KCNQ5: variants seen among roughly 807,000 people sequenced by gnomAD.
KCNQ5 encodes potassium voltage-gated channel subfamily Q member 5.
Under a neutral mutation model 98.2 loss-of-function variants are expected in KCNQ5, and 30 were observed. That is an observed-to-expected ratio of 0.31 (90% confidence interval 0.23 to 0.41). The LOEUF is 0.41. Ranked by LOEUF, KCNQ5 falls within the 10% of genes least tolerant of loss-of-function variation. KCNQ5 has a pLI of 1.00. For synonymous variants in KCNQ5, 458 were observed against 449.4 expected (o/e 1.02, Z -0.24); for missense variants, 835 against 1,182.5 (o/e 0.71, Z 4.31).
intron 1 of KCNQ5, among the ~76,000 whole-genome samples, chr6:72,635,667 C>T (rs1290510756): frequency 1.5e-5 from 2 of 136,338 alleles, no homozygotes; most frequent in Non-Finnish European, 3.1e-5. Context: ...TAAATTGCTC[C>T]TAGTTTTTTT....
intron 10 of KCNQ5, among the ~76,000 whole-genome samples, chr6:73,159,876 G>A (rs545288427): frequency 2.0e-5 from 3 of 152,282 alleles, no homozygotes; most frequent in African/African-American, 7.2e-5. Context: ...GTAGCACCAT[G>A]TTCTGTCTTC....
intron 1 of KCNQ5, among the ~76,000 whole-genome samples, chr6:72,705,321 TC>T (rs1175906524): frequency 3.9e-5 from 6 of 152,190 alleles, no homozygotes; most frequent in African/African-American, 1.4e-4. Flanking sequence ...CTAGAATATG[TC>T]TTTGTATTGA....
intron 1 of KCNQ5, among the ~76,000 whole-genome samples, chr6:72,723,259 ACTTACT>A (rs901371560): frequency 6.6e-6 from 1 of 152,228 alleles, no homozygotes; most frequent in Non-Finnish European, 1.5e-5. Flanking sequence ...TAATAATGGT[ACTTACT>A]CTTAATTATT....
At chr6:72,890,334 G>T (rs1346944987) in intron 1 of KCNQ5, among the ~76,000 whole-genome samples, 1 of 152,066 alleles carries the variant, frequency 6.6e-6, no homozygotes, top group Non-Finnish European at 1.5e-5. Context: ...ATACTTTAAA[G>T]GGTACGATGC....
At chr6:72,941,645 C>A (rs1582057560) in intron 1 of KCNQ5, among the ~76,000 whole-genome samples, 1 of 129,314 alleles carries the variant, frequency 7.7e-6, no homozygotes, top group East Asian at 2.4e-4. Flanking sequence ...CTCCCTTCCC[C>A]ACCCGCACCT....
intron 1 of KCNQ5, among the ~76,000 whole-genome samples, chr6:72,958,923 T>C (rs1182266380): frequency 6.6e-6 from 1 of 152,132 alleles, no homozygotes; most frequent in Admixed American, 6.5e-5. Context: ...ATGCAAAACT[T>C]TATGGAAGCC....
At chr6:73,015,357 ATAGT>A in intron 2 of KCNQ5, among the ~76,000 whole-genome samples, 1 of 152,292 alleles carries the variant, frequency 6.6e-6, no homozygotes, top group South Asian at 2.1e-4. Context: ...AAAAGCAGGA[ATAGT>A]TAAACACCTA....
intron 2 of KCNQ5, among the ~76,000 whole-genome samples, chr6:73,028,736 T>C (rs1771002339): frequency 6.6e-6 from 1 of 152,228 alleles, no homozygotes; most frequent in African/African-American, 2.4e-5. Flanking sequence ...TCCTGTAAAT[T>C]CAATATATGG....
At chr6:73,115,934 A>G (rs1451941872) in intron 7 of KCNQ5, among the ~76,000 whole-genome samples, 1 of 152,220 alleles carries the variant, frequency 6.6e-6, no homozygotes. Flanking sequence ...CAGAATGAGA[A>G]GGAGGCTGAG....
At chr6:73,124,152 A>G (rs1054062302) in intron 8 of KCNQ5, among the ~76,000 whole-genome samples, 1 of 152,222 alleles carries the variant, frequency 6.6e-6, no homozygotes, top group Non-Finnish European at 1.5e-5. Flanking sequence ...AACTAGCAAC[A>G]TTCTAAGAGC....
intron 10 of KCNQ5, among the ~76,000 whole-genome samples, chr6:73,160,034 GA>G (rs900826224): frequency 1.3e-3 from 193 of 151,450 alleles, no homozygotes; most frequent in African/African-American, 4.3e-3. Flanking sequence ...TGTTTTTTGA[GA>G]CAGAGTCTCG....
At chr6:72,632,421 G>A (rs1255949382) in intron 1 of KCNQ5, among the ~76,000 whole-genome samples, 3 of 151,946 alleles carry the variant, frequency 2.0e-5, no homozygotes, top group Non-Finnish European at 4.4e-5. Context: ...GATTACAGGC[G>A]TGAGCCACCG....
intron 1 of KCNQ5, among the ~76,000 whole-genome samples, chr6:72,793,764 G>A (rs4235870): frequency 0.6 from 90,612 of 152,182 alleles, 26,994 homozygotes; most frequent in Admixed American, 0.63. Context: ...AGCAGGAAAC[G>A]GAGATGGGAG....
At chr6:73,183,384 A>G (rs920071763) in intron 11 of KCNQ5, among the ~76,000 whole-genome samples, 1 of 152,218 alleles carries the variant, frequency 6.6e-6, no homozygotes, top group Non-Finnish European at 1.5e-5. Context: ...ATGCAGGTAA[A>G]GTACTTAGCA....
intron 1 of KCNQ5, among the ~76,000 whole-genome samples, chr6:72,643,325 T>C (rs753202303): frequency 5.9e-5 from 9 of 152,140 alleles, no homozygotes; most frequent in East Asian, 1.9e-4. Context: ...GCATTTTCCA[T>C]TGATCCTCAG....
intron 1 of KCNQ5, among the ~76,000 whole-genome samples, chr6:72,772,415 A>G (rs1259757312): frequency 1.3e-5 from 2 of 152,192 alleles, no homozygotes; most frequent in Non-Finnish European, 2.9e-5. Context: ...ATATTTATAT[A>G]TAACTCATTA....
At chr6:72,833,124 C>T (rs1010502426) in intron 1 of KCNQ5, among the ~76,000 whole-genome samples, 28 of 152,132 alleles carry the variant, frequency 1.8e-4, no homozygotes, top group African/African-American at 6.8e-4. Context: ...ACAATAAGTA[C>T]ATGTGAAAGA....
chr6:73,009,074 C>T (rs1371929108), intron 2 of KCNQ5, among the ~76,000 whole-genome samples: 2 of 152,214 alleles, frequency 1.3e-5, no homozygotes, highest in South Asian at 2.1e-4. Context: ...ATTGCAACCT[C>T]GACCTCCTAG....
chr6:72,878,576 G>A (rs1681495621), intron 1 of KCNQ5, among the ~76,000 whole-genome samples: 1 of 152,096 alleles, frequency 6.6e-6, no homozygotes, highest in Admixed American at 6.5e-5. Flanking sequence ...TACTTTTATG[G>A]AATATAGAGA....
Sources: allele counts gnomAD v4.1 joint callset (sites outside exome capture counted in the v4.1 genomes callset), GRCh38; gene constraint gnomAD v4.1.1; transcripts MANE v1.5; gene names NCBI Gene and HGNC (gene_info 2026-07-23, HGNC 2026-07-21).